GRM7: variants seen among roughly 807,000 people sequenced by gnomAD.
The protein encoded by GRM7 is glutamate metabotropic receptor 7.
GRM7 carries 35 observed loss-of-function variants against 84.5 expected under a neutral mutation model. That is an observed-to-expected ratio of 0.41 (90% CI 0.32 to 0.55). The LOEUF (loss-of-function observed/expected upper bound fraction) is 0.55, where lower values mean the gene tolerates loss of function less well. Ranked by LOEUF, GRM7 falls within the 20% of genes least tolerant of loss-of-function variation. GRM7 has a pLI of 0.19. For synonymous variants in GRM7, 487 were observed against 455.1 expected (o/e 1.07, Z -0.89); for missense variants, 1,003 against 1,194.6 (o/e 0.84, Z 2.36).
chr3:7,184,817 A>G (rs1460751597), intron 2 of GRM7, among the ~76,000 whole-genome samples: 1 of 152,072 alleles, frequency 6.6e-6, no homozygotes, highest in Non-Finnish European at 1.5e-5. Context: ...ACTTGATTTC[A>G]CTATTGTTGA....
At chr3:7,562,735 T>C (rs2125037955) in intron 7 of GRM7, among the ~76,000 whole-genome samples, 1 of 152,248 alleles carries the variant, frequency 6.6e-6, no homozygotes, top group East Asian at 1.9e-4. Context: ...CTCAAATGGA[T>C]TAGAAAGCAC....
At chr3:7,688,730 A>G (rs536200722) in intron 9 of GRM7, among the ~76,000 whole-genome samples, 1 of 152,330 alleles carries the variant, frequency 6.6e-6, no homozygotes, top group East Asian at 1.9e-4. Context: ...CAGATTCAAG[A>G]GTAAATTTTC....
At chr3:7,237,631 C>T (rs976762276) in intron 2 of GRM7, among the ~76,000 whole-genome samples, 5 of 152,074 alleles carry the variant, frequency 3.3e-5, no homozygotes, top group Non-Finnish European at 1.5e-5. Context: ...CAGACCTTTG[C>T]AGTGAGTGTT....
intron 8 of GRM7, among the ~76,000 whole-genome samples, chr3:7,674,126 T>C (rs1299591721): frequency 6.6e-6 from 1 of 151,722 alleles, no homozygotes; most frequent in African/African-American, 2.4e-5. Context: ...CAAGAGACAA[T>C]ATACACTATG....
chr3:7,019,924 C>T (rs139946442), intron 1 of GRM7, among the ~76,000 whole-genome samples: 6 of 152,138 alleles, frequency 3.9e-5, no homozygotes, highest in African/African-American at 7.2e-5. Flanking sequence ...AAAAAGACAC[C>T]GGAAAAGATT....
At chr3:7,464,127 G>A (rs1559341117) in intron 7 of GRM7, among the ~76,000 whole-genome samples, 1 of 152,164 alleles carries the variant, frequency 6.6e-6, no homozygotes, top group Non-Finnish European at 1.5e-5. Flanking sequence ...AAGAACTAGA[G>A]GTGCGGGAAG....
intron 4 of GRM7, among the ~76,000 whole-genome samples, chr3:7,397,783 T>C (rs984825434): frequency 6.6e-6 from 1 of 152,156 alleles, no homozygotes; most frequent in Admixed American, 6.6e-5. Context: ...TGTATGAAGA[T>C]ACTTTTCATT....
At chr3:7,236,747 A>G (rs1325799425) in intron 2 of GRM7, among the ~76,000 whole-genome samples, 1 of 152,206 alleles carries the variant, frequency 6.6e-6, no homozygotes, top group Non-Finnish European at 1.5e-5. Context: ...TCTTTTCCAG[A>G]GCACTCAGCT....
chr3:7,245,105 T>C (rs1029921341), intron 2 of GRM7, among the ~76,000 whole-genome samples: 2 of 151,902 alleles, frequency 1.3e-5, no homozygotes, highest in African/African-American at 2.4e-5. Flanking sequence ...AGAGGAAAGG[T>C]AAACAGAAAT....
intron 7 of GRM7, among the ~76,000 whole-genome samples, chr3:7,545,111 A>G (rs550798557): frequency 6.6e-6 from 1 of 152,360 alleles, no homozygotes; most frequent in South Asian, 2.1e-4. Context: ...GAGTCATGTA[A>G]AAAAATTGCT....
chr3:7,679,546 G>A lies in GRM7; in HGVS notation c.2452-503G>A, dbSNP rs1257583567. ...TCAGAGAAAGTCAACTCACTATTCA[G>A]CAGATAGGGAAAAGGCGTGCCTTTC... On this transcript the variant is annotated intron_variant, in intron 8 of 9. Transcript: ENST00000357716. Among the ~76,000 whole-genome samples, 3 of 152,128 alleles carry A rather than the reference G, an allele frequency of 2.0e-5. No homozygotes were observed. The East Asian group carries it at 5.8e-4, about 29-fold the overall frequency.
intron 4 of GRM7, among the ~76,000 whole-genome samples, chr3:7,401,229 A>G (rs1219084352): frequency 6.6e-6 from 1 of 152,090 alleles, no homozygotes; most frequent in East Asian, 1.9e-4. Flanking sequence ...TTTTCTTTCG[A>G]TACTGTCGCT....
chr3:6,926,290 T>C (rs1697295895), intron 1 of GRM7, among the ~76,000 whole-genome samples: 1 of 152,218 alleles, frequency 6.6e-6, no homozygotes, highest in South Asian at 2.1e-4. Context: ...ATATCATTTG[T>C]GCATTCATTT....
At chr3:7,209,064 CAT>C (rs770825341) in intron 2 of GRM7, among the ~76,000 whole-genome samples, 1 of 152,192 alleles carries the variant, frequency 6.6e-6, no homozygotes, top group Admixed American at 6.5e-5. Context: ...CTACTTAACA[CAT>C]GTTAGTACAC....
intron 7 of GRM7, chr3:7,535,282 C>A (rs1701199480): frequency 1.3e-5 from 2 of 148,538 alleles, no homozygotes; most frequent in African/African-American, 5.0e-5. Flanking sequence ...AGGATGGATA[C>A]CTGAAAAAAA....
At chr3:7,066,392 A>G (rs1266076236) in intron 1 of GRM7, among the ~76,000 whole-genome samples, 1 of 151,982 alleles carries the variant, frequency 6.6e-6, no homozygotes, top group Non-Finnish European at 1.5e-5. Flanking sequence ...GCTAGTATGA[A>G]CAACTTTATG....
At chr3:7,448,268 A>G (rs909703933) in intron 5 of GRM7, among the ~76,000 whole-genome samples, 3 of 151,770 alleles carry the variant, frequency 2.0e-5, no homozygotes, top group Admixed American at 6.6e-5. Context: ...TATACCCAGT[A>G]ATGGGATGGC....
intron 9 of GRM7, among the ~76,000 whole-genome samples, chr3:7,735,899 C>G (rs1702483877): frequency 6.6e-6 from 1 of 152,162 alleles, no homozygotes; most frequent in Non-Finnish European, 1.5e-5. Context: ...AGGTCTAGAT[C>G]TAGAAGTGAA....
At chr3:7,483,758 T>A (rs79632543) in intron 7 of GRM7, among the ~76,000 whole-genome samples, 2 of 152,034 alleles carry the variant, frequency 1.3e-5, no homozygotes, top group Non-Finnish European at 2.9e-5. Flanking sequence ...GAGATAGATA[T>A]AGATAGATAT....
Sources: gnomAD v4.1 joint callset for allele counts (sites outside exome capture counted in the v4.1 genomes callset) on GRCh38, gnomAD v4.1.1 for gene constraint, MANE v1.5 for transcripts, NCBI Gene and HGNC (gene_info 2026-07-23, HGNC 2026-07-21) for gene names.